The following PCNT variants were observed in gnomAD, a reference collection of about 807,000 sequenced individuals.
The protein encoded by PCNT is pericentrin.
PCNT carries 319 observed loss-of-function variants against 380.4 expected under a neutral mutation model. That is an observed-to-expected ratio of 0.84 (90% CI 0.77 to 0.92). The LOEUF (loss-of-function observed/expected upper bound fraction) is 0.92, where lower values mean the gene tolerates loss of function less well. Among genes scored for constraint, PCNT ranks in the 40% least tolerant of loss-of-function variants. PCNT has a pLI of 0.00. For missense variants in PCNT, 4,400 were observed against 4,255.3 expected, an observed-to-expected ratio of 1.03 and a Z score of -0.95; for synonymous variants, 1,845 against 1,735.2, an observed-to-expected ratio of 1.06 and a Z score of -1.57.
intron 2 of PCNT, among the ~76,000 whole-genome samples, chr21:46,330,008 G>A (rs1476138562): frequency 6.6e-6 from 1 of 152,156 alleles, no homozygotes; most frequent in African/African-American, 2.4e-5. Flanking sequence ...CTCTAAAATG[G>A]TGGGCAAAGG....
rs745854779 is a variant in PCNT at position 46,324,206 on chromosome 21, G to T, written c.-23G>T. The T allele has an allele frequency of 3.1e-6, 5 of 1,604,932 alleles. No homozygotes were observed. The highest frequency in any genetic ancestry group is 4.3e-6 in the Non-Finnish European group (5 of 1,175,236). On this transcript the variant is annotated 5_prime_UTR_variant, in exon 1 of 47. Transcript: ENST00000359568. ...TGTGTCAGCCCCGTCACCGCCGGGC[G>T]GCCCGCGCGGAGTCTGAGGGAGATG...
At chr21:46,393,573 C>T (rs2086108918) in intron 21 of PCNT, among the ~76,000 whole-genome samples, 1 of 152,214 alleles carries the variant, frequency 6.6e-6, no homozygotes, top group Non-Finnish European at 1.5e-5. Context: ...TGTTTCATCA[C>T]CTCGAGCCCT....
rs751903725 is a variant in PCNT, at chr21:46,412,062, C to T, written c.5989C>T (p.Pro1997Ser). The T allele has an allele frequency of 4.4e-6, 7 of 1,606,666 alleles. No individual in the cohort carries two copies. ...DAALEPVVPDPQGDLQPVLVT... is the reference protein window; with the variant it reads ...DAALEPVVPDSQGDLQPVLVT... ...TGCTTTGGAGCCGGTTGTCCCTGAC[C>T]CACAGGTGGGCTCCCCCCGCGGGCC... is the stretch of plus-strand genomic sequence containing the variant. Residue 1997 changes from proline (P) to serine (S), a missense_variant, in exon 28 of 47, where the codon CCA becomes TCA. Pro to Ser is a moderately conservative substitution (Grantham distance 74, BLOSUM62 -1). Coordinates refer to ENST00000359568, the MANE Select transcript of PCNT (RefSeq NM_006031.6).
rs1243664867 is a variant in PCNT at position 46,443,834 on chromosome 21, C to T, written c.9725C>T (p.Ser3242Phe). Residue 3242 changes from serine (S) to phenylalanine (F), a missense_variant, in exon 45 of 47, where the codon TCT (serine) becomes TTT (phenylalanine). Transcript: ENST00000359568. ...RPGPRARQPQ[S>F]PPRTRESPPT... ...GGGCCCCGAGCACGACAGCCGCAGT[C>T]TCCACCCAGAACCAGAGAGTCCCCC... 2 of 1,613,666 alleles carry T rather than the reference C, an allele frequency of 1.2e-6. No individual in the cohort carries two copies. Among genetic ancestry groups the T allele is most frequent in the East Asian group, 4.5e-5 (2 of 44,876 alleles).
intron 42 of PCNT, 22 bp from the exon 43 acceptor site, chr21:46,440,833 T>G (rs2053589700): frequency 6.9e-7 from 1 of 1,443,836 alleles, no homozygotes; most frequent in Non-Finnish European, 9.8e-7. Flanking sequence ...ATGATAAAAT[T>G]TTACTGCTTT....
chr21:46,396,451 C>T (rs759621224), intron 21 of PCNT, among the ~76,000 whole-genome samples: 7 of 152,188 alleles, frequency 4.6e-5, no homozygotes, highest in African/African-American at 9.6e-5. Flanking sequence ...CTCCCAAAGC[C>T]GCTTATTGAG....
rs149640782 is a variant in PCNT at position 46,385,063 on chromosome 21, C to T, written c.3313-769C>T. 7.1e-3 allele frequency among the ~76,000 whole-genome samples: 1,077 copies of T among 152,316 alleles called. 31 individuals are homozygous for T. The highest frequency in any genetic ancestry group is 0.053 in the Admixed American group (809 of 15,300). ...CTGTCCCCATTAGACTCTCACTCCC[C>T]ATTTGCCCTCCCCTGGCACCATGGC... On this transcript the variant is annotated intron_variant, in intron 16 of 46. Coordinates refer to ENST00000359568, the MANE Select transcript of PCNT (RefSeq NM_006031.6).
chr21:46,399,504 CTGT>C, intron 24 of PCNT, 83 bp from the exon 25 acceptor site: 4 of 994,662 alleles, frequency 4.0e-6, no homozygotes, highest in Non-Finnish European at 6.4e-6. Flanking sequence ...TATTTTGTCT[CTGT>C]TGTTTTGGGT....
chr21:46,399,893 T>C (rs1371210710), intron 25 of PCNT, 97 bp downstream of exon 25: 1 of 1,023,778 alleles, frequency 9.8e-7, no homozygotes, highest in Non-Finnish European at 1.6e-6. Context: ...GGCGTCCTTC[T>C]TCACTGGCAG....
intron 31 of PCNT, among the ~76,000 whole-genome samples, chr21:46,419,026 G>A (rs140043115): frequency 0.034 from 5,205 of 152,236 alleles, 126 homozygotes; most frequent in Middle Eastern, 0.051. Context: ...GCCCTGGCCC[G>A]CATCAGTTGT....
chr21:46,421,602 G>T (rs1026354284), intron 31 of PCNT, among the ~76,000 whole-genome samples: 1 of 152,248 alleles, frequency 6.6e-6, no homozygotes, highest in African/African-American at 2.4e-5. Flanking sequence ...CTGGCGTGGA[G>T]GGTGCAGGCC....
intron 17 of PCNT, 78 bp downstream of exon 17, chr21:46,386,061 C>A: frequency 6.4e-7 from 1 of 1,559,592 alleles, no homozygotes; most frequent in South Asian, 1.1e-5. Flanking sequence ...TTGGTCCCCA[C>A]GGCTCCTGGC....
intron 21 of PCNT, among the ~76,000 whole-genome samples, chr21:46,396,246 G>A (rs2086206511): frequency 6.6e-6 from 1 of 152,224 alleles, no homozygotes; most frequent in South Asian, 2.1e-4. Flanking sequence ...TTGAGGCTAG[G>A]CGATTTATCA....
intron 2 of PCNT, among the ~76,000 whole-genome samples, chr21:46,329,425 T>C (rs2083486133): frequency 1.3e-5 from 2 of 152,254 alleles, no homozygotes; most frequent in South Asian, 4.1e-4. Flanking sequence ...TTTTCGTTGT[T>C]ATGGTTTTTG....
intron 15 of PCNT, among the ~76,000 whole-genome samples, chr21:46,375,411 C>A (rs1186063966): frequency 1.3e-5 from 2 of 152,218 alleles, no homozygotes; most frequent in Non-Finnish European, 2.9e-5. Flanking sequence ...GTGCATGCCA[C>A]TTACTTATGA....
chr21:46,432,047 G>A lies in PCNT; in HGVS notation c.8583G>A (p.Leu2861=). Residue 2861 remains leucine, a synonymous_variant, in exon 38 of 47, where the codon CTG becomes CTA. Transcript: ENST00000359568. ...AAAAACGAGAGCTGAGATGCTCTCT[G>A]GAGAGAGAGAGGGAGAAACCAGCGT... ...HTQKRELRCS[L]EREREKPAWL... is the part of the protein sequence containing the mutation. 1 of 1,613,948 alleles carries A rather than the reference G, an allele frequency of 6.2e-7. No individual in the cohort carries two copies.
At chr21:46,435,596 G>C (rs60407402) in intron 38 of PCNT, among the ~76,000 whole-genome samples, 1 of 151,488 alleles carries the variant, frequency 6.6e-6, no homozygotes, top group Non-Finnish European at 1.5e-5. Flanking sequence ...AGGCTGAAGT[G>C]CAGTGGCGCA....
intron 14 of PCNT, 44 bp from the exon 15 acceptor site, chr21:46,366,540 C>CCT: frequency 6.5e-7 from 1 of 1,537,138 alleles, no homozygotes; most frequent in Admixed American, 1.7e-5. Context: ...GTCATTGCTT[C>CCT]CTGATGCATG....
chr21:46,341,073 G>GC (rs1346110533), intron 3 of PCNT, among the ~76,000 whole-genome samples: 3 of 144 alleles, frequency 0.021, no homozygotes, highest in Non-Finnish European at 0.027. Context: ...TAGTAGAGAT[G>GC]GGTTTCCCCA....
Sources: gnomAD v4.1 joint callset for allele counts (sites outside exome capture counted in the v4.1 genomes callset) on GRCh38, gnomAD v4.1.1 for gene constraint, MANE v1.5 for transcripts, NCBI Gene and HGNC (gene_info 2026-07-23, HGNC 2026-07-21) for gene names.